The following LYPLA1 variants were observed in gnomAD, a reference collection of about 807,000 sequenced individuals.
LYPLA1 encodes the protein acyl-protein thioesterase 1.
Under a neutral mutation model 34.0 loss-of-function variants are expected in LYPLA1, and 17 were observed. The observed-to-expected ratio is 0.50, with a 90% CI of 0.34 to 0.75. LYPLA1 has a LOEUF of 0.75. LYPLA1 is among the 30% of genes least tolerant of loss of function. The pLI is 0.01. For synonymous variants in LYPLA1, 98 were observed against 100.8 expected (o/e 0.97, Z 0.17); for missense variants, 203 against 288.8 (o/e 0.70, Z 2.15).
chr8:54,057,748 T>TAGG (rs1806316432), intron 5 of LYPLA1, among the ~76,000 whole-genome samples: 1 of 152,088 alleles, frequency 6.6e-6, no homozygotes, highest in Non-Finnish European at 1.5e-5. Context: ...GACAGTACAA[T>TAGG]AGGGTGACTA....
intron 2 of LYPLA1, among the ~76,000 whole-genome samples, chr8:54,079,732 G>A (rs1808173127): frequency 6.6e-6 from 1 of 151,912 alleles, no homozygotes; most frequent in African/African-American, 2.4e-5. Context: ...GAGGCGGAGG[G>A]TGCGGTAAAC....
At chr8:54,060,779 A>T (rs926186152) in intron 5 of LYPLA1, among the ~76,000 whole-genome samples, 1 of 131,794 alleles carries the variant, frequency 7.6e-6, no homozygotes, top group Non-Finnish European at 1.5e-5. Flanking sequence ...TGCAACCTCC[A>T]CCTACTGGGT....
At chr8:54,097,394 A>T (rs1402659092) in intron 2 of LYPLA1, among the ~76,000 whole-genome samples, 1 of 152,240 alleles carries the variant, frequency 6.6e-6, no homozygotes, top group African/African-American at 2.4e-5. Context: ...CGTGAAAGAC[A>T]AAAGAAAATC....
chr8:54,069,600 A>T (rs1022347353), intron 2 of LYPLA1, among the ~76,000 whole-genome samples: 1 of 151,966 alleles, frequency 6.6e-6, no homozygotes, highest in Admixed American at 6.6e-5. Flanking sequence ...AGTCCCAGCT[A>T]CTCAGAAGCT....
chr8:54,054,026 G>T (rs1806030351), intron 6 of LYPLA1, among the ~76,000 whole-genome samples: 1 of 152,158 alleles, frequency 6.6e-6, no homozygotes, highest in South Asian at 2.1e-4. Flanking sequence ...TGTTGCCCAG[G>T]CTGGAGTATA....
At chr8:54,056,016 G>C (rs1478216971) in intron 5 of LYPLA1, among the ~76,000 whole-genome samples, 1 of 152,048 alleles carries the variant, frequency 6.6e-6, no homozygotes, top group Non-Finnish European at 1.5e-5. Context: ...AAAACTAGAG[G>C]AATCACATTA....
intron 1 of LYPLA1, 139 bp downstream of exon 1, chr8:54,101,616 C>T: frequency 4.4e-6 from 5 of 1,146,734 alleles, no homozygotes; most frequent in Non-Finnish European, 5.4e-6. Flanking sequence ...GCCGCGCGGA[C>T]CATTCGCACC....
intron 2 of LYPLA1, among the ~76,000 whole-genome samples, chr8:54,080,337 A>T (rs907137360): frequency 3.9e-5 from 6 of 152,210 alleles, no homozygotes; most frequent in Middle Eastern, 6.3e-3. Flanking sequence ...AGCCTGGGCA[A>T]CAAAGCAAGA....
At chr8:54,043,268 T>G (rs1316852191), downstream of LYPLA1, 1 of 152,226 alleles carries the variant, frequency 6.6e-6, no homozygotes, top group African/African-American at 2.4e-5. Flanking sequence ...TTTTGAACCT[T>G]TTTTCAAATC....
intron 2 of LYPLA1, among the ~76,000 whole-genome samples, chr8:54,093,184 TGA>T (rs1474750185): frequency 2.0e-5 from 3 of 152,122 alleles, no homozygotes. Flanking sequence ...AAGAAGCAAG[TGA>T]GAGACCATAA....
chr8:54,079,735 C>T (rs891414100), intron 2 of LYPLA1, among the ~76,000 whole-genome samples: 2 of 151,908 alleles, frequency 1.3e-5, no homozygotes, highest in African/African-American at 4.8e-5. Flanking sequence ...GCGGAGGGTG[C>T]GGTAAACGGA....
chr8:54,052,646 C>T lies in LYPLA1; in HGVS notation c.462+9G>A, dbSNP rs1346699795. The T allele has an allele frequency of 6.3e-7, 1 of 1,598,716 alleles. No homozygotes were observed. Among genetic ancestry groups the T allele is most frequent in the African/African-American group, 1.3e-5 (1 of 74,594 alleles). On this transcript the variant is annotated intron_variant, in intron 7 of 8. Transcript: ENST00000316963. ...AGTAATCTCATGTTGAGTGCATCAA[C>T]CAAGTTACCTGTGGAAAGGAAGCCC...
intron 2 of LYPLA1, among the ~76,000 whole-genome samples, chr8:54,089,493 G>GGA (rs1415298240): frequency 9.7e-5 from 9 of 93,160 alleles, no homozygotes; most frequent in African/African-American, 5.0e-4. Context: ...AGACATCCCT[G>GGA]GGGGGGGGCG....
intron 5 of LYPLA1, among the ~76,000 whole-genome samples, chr8:54,056,618 T>C (rs1460810885): frequency 1.3e-5 from 2 of 151,876 alleles, no homozygotes; most frequent in East Asian, 3.9e-4. Flanking sequence ...AATAATCTGA[T>C]CAAAAAATGG....
intron 2 of LYPLA1, among the ~76,000 whole-genome samples, chr8:54,090,426 C>T (rs1169699480): frequency 6.6e-6 from 1 of 152,190 alleles, no homozygotes; most frequent in East Asian, 1.9e-4. Flanking sequence ...GATGCACACA[C>T]TATATTGTAA....
At chr8:54,095,021 C>T (rs1303448901) in intron 2 of LYPLA1, among the ~76,000 whole-genome samples, 2 of 151,864 alleles carry the variant, frequency 1.3e-5, no homozygotes, top group Non-Finnish European at 2.9e-5. Context: ...AATAATAAAT[C>T]CAGAATAAAG....
At chr8:54,098,146 C>CA (rs1349903653) in intron 2 of LYPLA1, among the ~76,000 whole-genome samples, 1 of 152,006 alleles carries the variant, frequency 6.6e-6, no homozygotes, top group Non-Finnish European at 1.5e-5. Context: ...TTGCTTGAAC[C>CA]TGGAGAGTGG....
intron 2 of LYPLA1, among the ~76,000 whole-genome samples, chr8:54,085,534 A>C (rs1586159533): frequency 6.6e-6 from 1 of 150,924 alleles, no homozygotes; most frequent in East Asian, 2.0e-4. Context: ...GGAAGTGAGG[A>C]GCGTCTCTGC....
intron 2 of LYPLA1, among the ~76,000 whole-genome samples, chr8:54,099,592 G>C (rs1190754297): frequency 2.0e-5 from 3 of 152,170 alleles, no homozygotes; most frequent in African/African-American, 7.2e-5. Context: ...AACCCAGAAG[G>C]TGGAGGTTGC....
Sources: gnomAD v4.1 joint callset for allele counts (sites outside exome capture counted in the v4.1 genomes callset) on GRCh38, gnomAD v4.1.1 for gene constraint, MANE v1.5 for transcripts, NCBI Gene and HGNC (gene_info 2026-07-23, HGNC 2026-07-21) for gene names.